MYO5C: variants seen among roughly 807,000 people sequenced by gnomAD.
The protein encoded by MYO5C is unconventional myosin-Vc.
In MYO5C, 194 loss-of-function variants were observed where a neutral mutation model predicts 235.7. The observed-to-expected ratio is 0.82, with a 90% CI of 0.73 to 0.93. The LOEUF (loss-of-function observed/expected upper bound fraction) is 0.93, where lower values mean the gene tolerates loss of function less well. Ranked by LOEUF, MYO5C falls within the 40% of genes least tolerant of loss-of-function variation. MYO5C has a pLI of 0.00. For missense variants in MYO5C, 2,038 were observed against 2,127.2 expected, an observed-to-expected ratio of 0.96 and a Z score of 0.82; for synonymous variants, 707 against 754.8, an observed-to-expected ratio of 0.94 and a Z score of 1.04.
Position 52,221,232 on chromosome 15 carries a change from T to C in MYO5C, c.3651A>G (p.Gln1217=). The change falls in exon 30 of 41, where the codon CAA becomes CAG. Residue 1217 remains glutamine, a synonymous_variant. Transcript: ENST00000261839. ...GCTTCTGTTTCTCCAATTCTGAAAT[T>C]TGCTGTTTAAAGTCTGGGATCATCT... The part of the protein sequence containing the change: ...ENMMIPDFKQ[Q]ISELEKQKQD... The C allele has an allele frequency of 1.9e-6, 3 of 1,612,674 alleles. No individual in the cohort carries two copies. Among genetic ancestry groups the C allele is most frequent in the East Asian group, 2.2e-5 (1 of 44,858 alleles).
Position 52,284,210 on chromosome 15 carries a change from A to T in MYO5C, c.28-1318T>A, listed in dbSNP as rs200850880. Among the ~76,000 whole-genome samples the T allele has an allele frequency of 9.5e-5, 5 of 52,866 alleles. No homozygotes were observed. The African/African-American group carries it at 1.5e-3, about 16-fold the overall frequency. 34.7% of individuals were successfully genotyped at this position (52,866 alleles called of 152,430 possible). A position where few individuals can be genotyped will look rare whatever the true frequency, so the allele number is the denominator to read the frequency against. On this transcript the variant is annotated intron_variant, in intron 1 of 40. Transcript: ENST00000261839. ...GACTAAATGCCCATTAATGAGAATT[A>T]AAAAAAAAAAACACCTGCAGAATAC...
chr15:52,224,630 A>C (rs181238591), intron 28 of MYO5C, among the ~76,000 whole-genome samples: 1 of 152,234 alleles, frequency 6.6e-6, no homozygotes, highest in Non-Finnish European at 1.5e-5. Context: ...ATGTATCTAC[A>C]TATTTCTGGC....
At chr15:52,224,064 C>G (rs1039178090) in intron 28 of MYO5C, among the ~76,000 whole-genome samples, 1 of 152,192 alleles carries the variant, frequency 6.6e-6, no homozygotes, top group Non-Finnish European at 1.5e-5. Context: ...GGGCGGATCA[C>G]TTGAGGTCAG....
intron 4 of MYO5C, 82 bp from the exon 5 acceptor site, chr15:52,275,800 G>C: frequency 7.6e-7 from 1 of 1,313,974 alleles, no homozygotes; most frequent in Non-Finnish European, 1.1e-6. Context: ...ATGTGGACAA[G>C]ACAAAAGAGG....
Position 52,223,619 on chromosome 15 carries a change from C to T in MYO5C, c.3552G>A (p.Gln1184=), listed in dbSNP as rs1302370495. Residue 1184 remains glutamine (Q), a synonymous_variant, in exon 29 of 41, where the codon CAG becomes CAA. Transcript: ENST00000261839. ...VHLSQEINHL[Q]KLFREENDIN... is the part of the protein sequence containing the mutation. ...TGTCATTTTCTTCTCTGAATAACTT[C>T]TGCAGGTGGTTGATTTCTTGACTGA... 1.6e-5 allele frequency: 26 copies of T among 1,614,072 alleles called. No homozygotes were observed. The highest frequency in any genetic ancestry group is 1.9e-5 in the Non-Finnish European group (23 of 1,180,032).
intron 22 of MYO5C, chr15:52,237,255 A>G (rs2036105822): frequency 2.3e-6 from 1 of 427,698 alleles, no homozygotes; most frequent in African/African-American, 2.0e-5. Flanking sequence ...TGAAAGAAAG[A>G]GAAAACCTAT....
intron 12 of MYO5C, among the ~76,000 whole-genome samples, chr15:52,251,855 G>C (rs890247181): frequency 1.3e-5 from 2 of 151,952 alleles, no homozygotes; most frequent in African/African-American, 2.4e-5. Context: ...AGTAGAGACG[G>C]GGTTTCACCA....
chr15:52,195,964 T>TG (rs2035040121), intron 39 of MYO5C, among the ~76,000 whole-genome samples: 2 of 22,286 alleles, frequency 9.0e-5, no homozygotes, highest in Admixed American at 3.5e-4. Context: ...ACACCCAGCT[T>TG]TTTTTTTTTT....
At chr15:52,225,903 A>C (rs760077605) in intron 25 of MYO5C, among the ~76,000 whole-genome samples, 3 of 152,030 alleles carry the variant, frequency 2.0e-5, no homozygotes, top group African/African-American at 7.2e-5. Flanking sequence ...TACAAAAATT[A>C]GCCAGGCATG....
Position 52,278,905 on chromosome 15 carries a change from G to A in MYO5C, c.417C>T (p.Ala139=), listed in dbSNP as rs773859135. 63 of 1,613,954 alleles carry A rather than the reference G, an allele frequency of 3.9e-5. No individual in the cohort carries two copies. In the African/African-American group the frequency reaches 5.2e-4, roughly 13 times the overall value. Residue 139 remains alanine (A), a synonymous_variant, in exon 4 of 41, where the codon GCC becomes GCT. Coordinates refer to ENST00000261839, the MANE Select transcript of MYO5C (RefSeq NM_018728.4). The part of the protein sequence containing the change: ...NMGDMDPHIF[A]VAEEAYKQMA... ...TCTGCTTGTATGCCTCTTCTGCCAC[G>A]GCAAATATGTGTGGGTCCATATCGC...
At chr15:52,275,989 C>CTCCTTCCCA (rs879488704) in intron 4 of MYO5C, among the ~76,000 whole-genome samples, 2 of 152,148 alleles carry the variant, frequency 1.3e-5, no homozygotes, top group Non-Finnish European at 2.9e-5. Flanking sequence ...CAAAAAACTG[C>CTCCTTCCCA]TCCTTCCCAT....
intron 4 of MYO5C, among the ~76,000 whole-genome samples, chr15:52,277,566 C>T (rs1273133023): frequency 6.6e-6 from 1 of 152,172 alleles, no homozygotes; most frequent in Non-Finnish European, 1.5e-5. Flanking sequence ...ATCCCAGCCT[C>T]CCTATGTGAG....
Position 52,229,156 on chromosome 15 carries a change from C to A in MYO5C, c.3184G>T (p.Ala1062Ser). Residue 1062 changes from alanine (A) to serine (S), a missense_variant, in exon 25 of 41, where the codon GCC becomes TCC. By Grantham distance (99) the Ala-to-Ser change is moderately conservative (BLOSUM62 1). Coordinates refer to ENST00000261839, the MANE Select transcript of MYO5C (RefSeq NM_018728.4). ...ACCTTGACCTGCTTGCTCAGGCGGG[C>A]CACTTCCGCCTTCAAGCCATCAGAA... ...VTSDGLKAEV[A>S]RLSKQVKTIS... 1 of 1,614,182 alleles carries A rather than the reference C, an allele frequency of 6.2e-7. No homozygotes were observed. The highest frequency in any genetic ancestry group is 2.2e-5 in the East Asian group (1 of 44,890).
In MYO5C at chr15:52,264,629, T is replaced by C. The variant is rs1343367014; in HGVS notation, c.941-333A>G. ...CTTGATTTTGAATGTTTTTCATTTTTCTTTTTGCTCACAAGCTCTCTGAAT... is the reference window on the plus strand; with the variant it reads ...CTTGATTTTGAATGTTTTTCATTTTCCTTTTTGCTCACAAGCTCTCTGAAT... On this transcript the variant is annotated intron_variant, in intron 8 of 40. Coordinates refer to ENST00000261839, the MANE Select transcript of MYO5C (RefSeq NM_018728.4). 3.9e-5 allele frequency among the ~76,000 whole-genome samples: 6 copies of C among 152,370 alleles called. No individual in the cohort carries two copies. In the East Asian group the frequency reaches 1.2e-3, roughly 29 times the overall value.
intron 14 of MYO5C, among the ~76,000 whole-genome samples, chr15:52,247,931 T>G (rs2141329479): frequency 6.6e-6 from 1 of 152,294 alleles, no homozygotes; most frequent in South Asian, 2.1e-4. Flanking sequence ...CTACTCCACA[T>G]TCTCATCCCT....
At position 52,264,190 on chromosome 15, in the gene MYO5C, A is replaced by C; in HGVS notation, c.1047T>G (p.Ser349Arg). Residue 349 changes from serine to arginine, a missense_variant and splice_region_variant, in exon 9 of 41, where the codon AGT becomes AGG. By Grantham distance (110) the Ser-to-Arg change is moderately radical. Transcript: ENST00000261839. The stretch of plus-strand genomic sequence containing the variant: ...AAAGTAAAACAAATGAGCATCTCAC[A>C]CTAACTGAGGACCTCTCGTTGCCCA... ...TAVGNERSSV[S>R]EDDSHLKVFC... The C allele has an allele frequency of 6.2e-7, 1 of 1,605,822 alleles. No individual in the cohort carries two copies. Among genetic ancestry groups the C allele is most frequent in the Non-Finnish European group, 8.5e-7 (1 of 1,172,592 alleles).
At chr15:52,279,383 C>T (rs1247100536) in intron 3 of MYO5C, 126 bp downstream of exon 3, 1 of 943,416 alleles carries the variant, frequency 1.1e-6, no homozygotes, top group Non-Finnish European at 1.5e-6. Context: ...AGATTCTCCC[C>T]ACCCAGACAC....
At position 52,223,553 on chromosome 15, in the gene MYO5C, T is replaced by C. The variant is rs2035749121; in HGVS notation, c.3618A>G (p.Ser1206=). 4.3e-6 allele frequency: 7 copies of C among 1,613,938 alleles called. No individual in the cohort carries two copies. The highest frequency in any genetic ancestry group is 5.9e-6 in the Non-Finnish European group (7 of 1,179,892). The stretch of plus-strand genomic sequence containing the variant: ...CTGGCTGAGACCATACCATGTTCTC[T>C]GATGTTAGCCTGGTAACTTCATGAC... ...SIRHEVTRLT[S]ENMMIPDFKQ... is the part of the protein sequence containing the mutation. The change falls in exon 29 of 41, where the codon TCA becomes TCG. Residue 1206 remains serine, a synonymous_variant. Transcript: ENST00000261839.
At chr15:52,277,242 G>T (rs757935123) in intron 4 of MYO5C, 6 of 528,754 alleles carry the variant, frequency 1.1e-5, no homozygotes, top group South Asian at 8.5e-5. Context: ...TTTGGGCTCC[G>T]TTCTGTTATG....
Sources: gnomAD v4.1 joint callset for allele counts (sites outside exome capture counted in the v4.1 genomes callset) on GRCh38, gnomAD v4.1.1 for gene constraint, MANE v1.5 for transcripts, NCBI Gene and HGNC (gene_info 2026-07-23, HGNC 2026-07-21) for gene names.